The following ATP10B variants were observed in gnomAD, a reference collection of about 807,000 sequenced individuals.
The protein encoded by ATP10B is phospholipid-transporting ATPase VB.
In ATP10B, 122 loss-of-function variants were observed where a neutral mutation model predicts 141.2. That is an observed-to-expected ratio of 0.86 (90% CI 0.75 to 1.00). The LOEUF (loss-of-function observed/expected upper bound fraction) is 1.00, where lower values mean the gene tolerates loss of function less well. Among genes scored for constraint, ATP10B ranks in the 50% least tolerant of loss-of-function variants. The probability of loss-of-function intolerance (pLI) is 0.00; values close to 1 mark genes in which losing one functional copy is unlikely to be tolerated. For synonymous variants in ATP10B, 685 were observed against 692.0 expected, an observed-to-expected ratio of 0.99 and a Z score of 0.16; for missense variants, 1,876 against 1,825.3, an observed-to-expected ratio of 1.03 and a Z score of -0.51.
At chr5:160,779,043 T>C (rs1770539549) in intron 2 of ATP10B, among the ~76,000 whole-genome samples, 1 of 152,164 alleles carries the variant, frequency 6.6e-6, no homozygotes, top group South Asian at 2.1e-4. Flanking sequence ...ATCAGAGAAT[T>C]ACATAGGAGG....
chr5:160,883,400 G>A, the ATP10B span, among the ~76,000 whole-genome samples: 1 of 152,122 alleles, frequency 6.6e-6, no homozygotes, highest in African/African-American at 2.4e-5. Context: ...TATGGATAAT[G>A]GTTTCAGGGT....
rs375577981 is a variant in ATP10B, at chr5:160,668,933, T to C, written c.675+1530A>G. Among the ~76,000 whole-genome samples, 4 of 152,296 alleles carry C rather than the reference T, an allele frequency of 2.6e-5. No homozygotes were observed. The East Asian group carries it at 7.7e-4, about 29-fold the overall frequency. ...TAGAGAGAGGCAAGGCAAGGTACAA[T>C]GACCCTTGCTCCTAGAACTTAAAAA... On this transcript the variant is annotated intron_variant, in intron 7 of 25. Coordinates refer to ENST00000327245, the MANE Select transcript of ATP10B (RefSeq NM_025153.3).
chr5:160,625,904 C>T (rs1005781628), intron 13 of ATP10B, among the ~76,000 whole-genome samples: 1 of 152,204 alleles, frequency 6.6e-6, no homozygotes, highest in Non-Finnish European at 1.5e-5. Context: ...ATATTCCCAT[C>T]CAATCTTGTA....
the ATP10B span, among the ~76,000 whole-genome samples, chr5:160,905,836 A>G: frequency 6.6e-6 from 1 of 152,202 alleles, no homozygotes; most frequent in South Asian, 2.1e-4. Flanking sequence ...ATTAAAAAGC[A>G]TAAGTATTTA....
chr5:160,778,612 A>G (rs887136977), intron 2 of ATP10B, among the ~76,000 whole-genome samples: 3 of 152,238 alleles, frequency 2.0e-5, no homozygotes, highest in East Asian at 1.9e-4. Flanking sequence ...TCTGGGCAAG[A>G]CAATCCACTG....
At chr5:160,756,590 T>C (rs1174139968) in intron 2 of ATP10B, among the ~76,000 whole-genome samples, 3 of 152,214 alleles carry the variant, frequency 2.0e-5, no homozygotes. Context: ...TATTTCATTG[T>C]GGTTCCAATT....
At chr5:160,670,103 G>A (rs1458799451) in intron 7 of ATP10B, among the ~76,000 whole-genome samples, 1 of 152,052 alleles carries the variant, frequency 6.6e-6, no homozygotes, top group Non-Finnish European at 1.5e-5. Flanking sequence ...AGAGTGAGTT[G>A]GGATTGGATG....
At chr5:160,651,421 C>G (rs1246410120) in intron 7 of ATP10B, among the ~76,000 whole-genome samples, 2 of 152,072 alleles carry the variant, frequency 1.3e-5, no homozygotes, top group Non-Finnish European at 1.5e-5. Context: ...TTGACTAATC[C>G]TACGTTCAAC....
intron 3 of ATP10B, chr5:160,693,004 T>C (rs1310988892): frequency 6.6e-6 from 1 of 152,302 alleles, no homozygotes; most frequent in Non-Finnish European, 1.5e-5. Context: ...ATATGATGTA[T>C]TGAGAACATG....
At chr5:160,653,161 T>C (rs1761031345) in intron 7 of ATP10B, among the ~76,000 whole-genome samples, 2 of 130,334 alleles carry the variant, frequency 1.5e-5, no homozygotes, top group Non-Finnish European at 3.1e-5. Flanking sequence ...AAATACATAA[T>C]ATATATTATA....
chr5:160,598,788 C>A lies in ATP10B; in HGVS notation c.3546G>T (p.Lys1182Asn). 1 of 1,614,104 alleles carries A rather than the reference C, an allele frequency of 6.2e-7. No homozygotes were observed. The highest frequency in any genetic ancestry group is 8.5e-7 in the Non-Finnish European group (1 of 1,179,988). Residue 1182 changes from lysine to asparagine, a missense_variant, in exon 22 of 26, where the codon AAG (lysine) becomes AAT (asparagine). Lys to Asn is a moderately conservative substitution (Grantham distance 94). Transcript: ENST00000327245. ...TCCTTACCTCAGAGTTCTGGCCACT[C>A]TTGTATAGCTCAGGCAATGCCAGGA... ...ETLLALPELY[K>N]SGQNSECYNL... is the part of the protein sequence containing the mutation.
the ATP10B span, among the ~76,000 whole-genome samples, chr5:160,871,589 A>G: frequency 6.6e-6 from 1 of 152,136 alleles, no homozygotes; most frequent in African/African-American, 2.4e-5. Flanking sequence ...CTCATAGTTT[A>G]GCTCCCACAT....
chr5:160,790,431 T>C (rs1329190350), intron 1 of ATP10B, among the ~76,000 whole-genome samples: 3 of 152,134 alleles, frequency 2.0e-5, no homozygotes, highest in African/African-American at 7.2e-5. Context: ...AGAAAACTAC[T>C]CCTAGAAGTC....
At chr5:160,829,647 T>C (rs2127974746) in intron 1 of ATP10B, among the ~76,000 whole-genome samples, 1 of 152,248 alleles carries the variant, frequency 6.6e-6, no homozygotes, top group African/African-American at 2.4e-5. Context: ...GTAGTCTTTG[T>C]AGTTTTCCTT....
chr5:160,826,411 A>T (rs1774605348), intron 1 of ATP10B, among the ~76,000 whole-genome samples: 1 of 152,156 alleles, frequency 6.6e-6, no homozygotes, highest in Admixed American at 6.5e-5. Flanking sequence ...TACTTTTATA[A>T]TTTCTTATGC....
At chr5:160,865,570 A>T in the ATP10B span, among the ~76,000 whole-genome samples, 6 of 152,294 alleles carry the variant, frequency 3.9e-5, no homozygotes, top group African/African-American at 1.4e-4. Flanking sequence ...AAAAACAAAT[A>T]AATGGGACCT....
At chr5:160,867,861 C>T in the ATP10B span, among the ~76,000 whole-genome samples, 1 of 152,078 alleles carries the variant, frequency 6.6e-6, no homozygotes, top group Non-Finnish European at 1.5e-5. Context: ...ACTCAATTGT[C>T]TTCGTACATT....
intron 24 of ATP10B, 102 bp downstream of exon 24, chr5:160,589,484 GTATTTA>G: frequency 1.2e-6 from 1 of 833,558 alleles, no homozygotes; most frequent in Non-Finnish European, 2.0e-6. Context: ...AGCTTAGTAT[GTATTTA>G]TTGAGTGGAT....
intron 22 of ATP10B, among the ~76,000 whole-genome samples, chr5:160,598,404 G>A (rs867346632): frequency 6.6e-6 from 1 of 151,982 alleles, no homozygotes; most frequent in Non-Finnish European, 1.5e-5. Context: ...GGGGGAGCAG[G>A]GAGGGATAGC....
Sources: gnomAD v4.1 joint callset for allele counts (sites outside exome capture counted in the v4.1 genomes callset) on GRCh38, gnomAD v4.1.1 for gene constraint, MANE v1.5 for transcripts, NCBI Gene and HGNC (gene_info 2026-07-23, HGNC 2026-07-21) for gene names.